TSPAN5: variants seen among roughly 807,000 people sequenced by gnomAD.
TSPAN5 encodes the protein tetraspanin-5.
TSPAN5 carries 10 observed loss-of-function variants against 37.1 expected under a neutral mutation model. The observed-to-expected ratio is 0.27, with a 90% confidence interval of 0.17 to 0.46. The LOEUF is 0.46. Ranked by LOEUF, TSPAN5 falls within the 20% of genes least tolerant of loss-of-function variation. The pLI, the probability that TSPAN5 is intolerant of heterozygous loss-of-function variation, is 1.00. For synonymous variants in TSPAN5, 110 were observed against 118.9 expected, an observed-to-expected ratio of 0.93 and a Z score of 0.48; for missense variants, 195 against 326.6, an observed-to-expected ratio of 0.60 and a Z score of 3.11.
chr4:98,497,019 T>C (rs963185810), intron 2 of TSPAN5, among the ~76,000 whole-genome samples: 1 of 151,820 alleles, frequency 6.6e-6, no homozygotes, highest in African/African-American at 2.4e-5. Context: ...CATGATGGGA[T>C]TAGTGTCTTT....
At chr4:98,650,421 G>C (rs2110290119) in intron 1 of TSPAN5, among the ~76,000 whole-genome samples, 1 of 152,310 alleles carries the variant, frequency 6.6e-6, no homozygotes, top group Middle Eastern at 3.4e-3. Context: ...GCAGCCCCAG[G>C]AGGAAAGGTG....
chr4:98,633,915 A>T (rs1756800385), intron 1 of TSPAN5, among the ~76,000 whole-genome samples: 1 of 152,076 alleles, frequency 6.6e-6, no homozygotes. Context: ...CCTCGTCTCT[A>T]CTAAAAATAC....
chr4:98,484,383 A>T (rs1286380416), intron 3 of TSPAN5: 2 of 451,862 alleles, frequency 4.4e-6, no homozygotes, highest in Admixed American at 4.8e-5. Context: ...ACGTTTACTT[A>T]CTACTTATCT....
intron 1 of TSPAN5, among the ~76,000 whole-genome samples, chr4:98,625,570 C>G (rs1406767591): frequency 6.6e-6 from 1 of 152,222 alleles, no homozygotes; most frequent in South Asian, 2.1e-4. Flanking sequence ...GAGGGCCAAA[C>G]CCCTTCCTTC....
At chr4:98,511,112 G>GA (rs1307608501) in intron 1 of TSPAN5, among the ~76,000 whole-genome samples, 6 of 152,044 alleles carry the variant, frequency 3.9e-5, no homozygotes, top group African/African-American at 1.2e-4. Flanking sequence ...TTTTGAAATG[G>GA]AAAAAAATAT....
chr4:98,514,818 A>G (rs1215814138), intron 1 of TSPAN5, among the ~76,000 whole-genome samples: 2 of 152,314 alleles, frequency 1.3e-5, no homozygotes, highest in African/African-American at 4.8e-5. Flanking sequence ...GAAACAAAAC[A>G]AAGTGACTGG....
intron 1 of TSPAN5, among the ~76,000 whole-genome samples, chr4:98,654,939 C>T (rs1020489754): frequency 6.6e-6 from 1 of 152,120 alleles, no homozygotes; most frequent in African/African-American, 2.4e-5. Flanking sequence ...CTCCACCTCC[C>T]GGGTTCAAGT....
At chr4:98,579,181 AC>A (rs1352807911) in intron 1 of TSPAN5, among the ~76,000 whole-genome samples, 1 of 151,892 alleles carries the variant, frequency 6.6e-6, no homozygotes, top group Non-Finnish European at 1.5e-5. Flanking sequence ...ACCATCCTCC[AC>A]CCCCAAGAGC....
intron 1 of TSPAN5, among the ~76,000 whole-genome samples, chr4:98,653,757 A>T (rs1757241384): frequency 6.6e-6 from 1 of 151,992 alleles, no homozygotes; most frequent in Non-Finnish European, 1.5e-5. Flanking sequence ...TAAAACTACA[A>T]CACCATTAAT....
chr4:98,533,939 TAAA>T (rs1194318640), intron 1 of TSPAN5, among the ~76,000 whole-genome samples: 21 of 31,150 alleles, frequency 6.7e-4, no homozygotes, highest in South Asian at 3.1e-3. Flanking sequence ...TTGTTGATCT[TAAA>T]AAAAAAAAAA....
At chr4:98,549,312 G>GGT in intron 1 of TSPAN5, among the ~76,000 whole-genome samples, 1 of 14,490 alleles carries the variant, frequency 6.9e-5, no homozygotes, top group Admixed American at 7.9e-4. Context: ...GTTTTTTTTT[G>GGT]TTTTTTTTGA....
chr4:98,634,227 G>A (rs530256244), intron 1 of TSPAN5, among the ~76,000 whole-genome samples: 31 of 152,286 alleles, frequency 2.0e-4, no homozygotes, highest in African/African-American at 7.5e-4. Context: ...ATATACATGG[G>A]AGTATCAAGA....
At chr4:98,557,118 C>T (rs1416710749) in intron 1 of TSPAN5, among the ~76,000 whole-genome samples, 1 of 151,888 alleles carries the variant, frequency 6.6e-6, no homozygotes, top group Non-Finnish European at 1.5e-5. Flanking sequence ...TTATGAGACA[C>T]CAAAGGATGT....
chr4:98,526,596 T>G (rs751912179), intron 1 of TSPAN5, among the ~76,000 whole-genome samples: 5 of 151,710 alleles, frequency 3.3e-5, no homozygotes, highest in Non-Finnish European at 5.9e-5. Flanking sequence ...ATAATGAACC[T>G]AAATGCCAAT....
At chr4:98,542,673 C>T (rs1051858551) in intron 1 of TSPAN5, among the ~76,000 whole-genome samples, 4 of 139,982 alleles carry the variant, frequency 2.9e-5, no homozygotes, top group Non-Finnish European at 6.0e-5. Flanking sequence ...TAGCTATGAT[C>T]GTGCCACTGC....
At chr4:98,588,863 G>A (rs1755557440) in intron 1 of TSPAN5, among the ~76,000 whole-genome samples, 1 of 152,200 alleles carries the variant, frequency 6.6e-6, no homozygotes, top group Admixed American at 6.5e-5. Flanking sequence ...CGTTTGCAGA[G>A]TGCTTTGTTT....
intron 1 of TSPAN5, among the ~76,000 whole-genome samples, chr4:98,562,391 G>A (rs1040300582): frequency 2.6e-5 from 4 of 152,168 alleles, no homozygotes; most frequent in Middle Eastern, 3.4e-3. Flanking sequence ...GGCCGGGTGC[G>A]GTGGCTCACA....
rs10680446 is a variant in TSPAN5, at chr4:98,528,414, ATTT to A, written c.82-20689_82-20687del. Among the ~76,000 whole-genome samples, 237 of 143,748 alleles carry A rather than the reference ATTT, an allele frequency of 1.6e-3. 1 individual carries two copies. Among genetic ancestry groups the A allele is most frequent in the African/African-American group, 4.7e-3 (185 of 39,434 alleles). The allele number at this position is 143,748 out of a possible 152,430, so 94.3% of individuals were successfully genotyped here. A position where few individuals can be genotyped will look rare whatever the true frequency, so the allele number is the denominator to read the frequency against. On this transcript the variant is annotated intron_variant, in intron 1 of 7. Transcript: ENST00000305798. ...CCAAAATAATTAAATGTAACAGATG[ATTT>A]TTTTTTTTTTTTTTGCTGTCACTAA...
chr4:98,561,214 G>A lies in TSPAN5; in HGVS notation c.82-53486C>T, dbSNP rs568911809. ...TTTCACATAAAACGGAACACAATGGGGCTAGCAGAGCCATAACGTGGAAAG... is the reference window on the plus strand; with the variant it reads ...TTTCACATAAAACGGAACACAATGGAGCTAGCAGAGCCATAACGTGGAAAG... On this transcript the variant is annotated intron_variant, in intron 1 of 7. Transcript: ENST00000305798. 1.1e-4 allele frequency among the ~76,000 whole-genome samples: 17 copies of A among 152,310 alleles called. No individual in the cohort carries two copies. In the South Asian group the frequency reaches 1.9e-3, roughly 17 times the overall value.
Sources: allele counts gnomAD v4.1 joint callset (sites outside exome capture counted in the v4.1 genomes callset), GRCh38; gene constraint gnomAD v4.1.1; transcripts MANE v1.5; gene names NCBI Gene and HGNC (gene_info 2026-07-23, HGNC 2026-07-21).